UBE3C: variants seen among roughly 807,000 people sequenced by gnomAD.
UBE3C encodes ubiquitin-protein ligase E3C.
UBE3C carries 42 observed loss-of-function variants against 129.4 expected under a neutral mutation model. The ratio of observed to expected loss-of-function variants is 0.32; its 90% CI spans 0.25 to 0.42. The LOEUF (loss-of-function observed/expected upper bound fraction) is 0.42, where lower values mean the gene tolerates loss of function less well. UBE3C is among the 10% of genes least tolerant of loss of function. The pLI is 1.00. For missense variants in UBE3C, 1,049 were observed against 1,319.1 expected (o/e 0.80, Z 3.17); for synonymous variants, 510 against 492.4 (o/e 1.04, Z -0.47).
intron 14 of UBE3C, among the ~76,000 whole-genome samples, chr7:157,219,486 T>C (rs1198682477): frequency 1.3e-5 from 2 of 152,156 alleles, no homozygotes; most frequent in Non-Finnish European, 2.9e-5. Flanking sequence ...AACCTCTACA[T>C]CTAACTACAA....
chr7:157,170,986 T>C lies in UBE3C; in HGVS notation c.342+536T>C, dbSNP rs1310228198. Among the ~76,000 whole-genome samples, 3 of 152,196 alleles carry C rather than the reference T, an allele frequency of 2.0e-5. No individual in the cohort carries two copies. In the South Asian group the frequency reaches 6.2e-4, roughly 32 times the overall value. On this transcript the variant is annotated intron_variant, in intron 4 of 22. Transcript: ENST00000348165. ...CCTTGTTAATGTTAAGGCTAATTTTTTTTTTTGTAGAGATGAGGTCTTGCT... is the reference window on the plus strand; with the variant it reads ...CCTTGTTAATGTTAAGGCTAATTTTCTTTTTTGTAGAGATGAGGTCTTGCT...
chr7:157,139,940 A>G, intron 1 of UBE3C: 2 of 973,136 alleles, frequency 2.1e-6, no homozygotes, highest in Non-Finnish European at 2.4e-6. Flanking sequence ...GAGGGCAATT[A>G]TTTGCCACCA....
intron 19 of UBE3C, among the ~76,000 whole-genome samples, chr7:157,250,208 C>T (rs566218697): frequency 2.0e-5 from 3 of 152,058 alleles, no homozygotes; most frequent in East Asian, 1.9e-4. Flanking sequence ...GCATATGGGG[C>T]TTTGTTGTTG....
intron 6 of UBE3C, among the ~76,000 whole-genome samples, chr7:157,181,083 AT>A (rs1808653848): frequency 6.6e-6 from 1 of 152,218 alleles, no homozygotes; most frequent in African/African-American, 2.4e-5. Flanking sequence ...AGATCACAAT[AT>A]GTGGTCCTTA....
rs1563050060 is a variant in UBE3C, at chr7:157,192,837, G to A, written c.1331+5816G>A. On this transcript the variant is annotated intron_variant, in intron 10 of 22. Coordinates refer to ENST00000348165, the MANE Select transcript of UBE3C (RefSeq NM_014671.3). Reference sequence around the variant, plus strand: ...AACAAACCAGAAGACAAGTAACTGCGTATGAGTTAATAAAAGACATGAACT... The same window carrying A: ...AACAAACCAGAAGACAAGTAACTGCATATGAGTTAATAAAAGACATGAACT... The A allele has an allele frequency of 2.3e-5, 25 of 1,086,456 alleles. No individual in the cohort carries two copies. In the East Asian group the frequency reaches 4.0e-4, roughly 17 times the overall value. 67.3% of individuals were successfully genotyped at this position (1,086,456 alleles called of 1,614,324 possible).
intron 1 of UBE3C, among the ~76,000 whole-genome samples, chr7:157,162,284 G>C (rs1808091700): frequency 6.6e-6 from 1 of 151,686 alleles, no homozygotes; most frequent in African/African-American, 2.4e-5. Flanking sequence ...AAGCTCCACT[G>C]CCTGGGTTCA....
At chr7:157,200,541 A>G (rs944891312) in intron 10 of UBE3C, among the ~76,000 whole-genome samples, 5 of 152,256 alleles carry the variant, frequency 3.3e-5, no homozygotes, top group African/African-American at 1.2e-4. Flanking sequence ...ACAAACATGC[A>G]GTATAAAACA....
intron 22 of UBE3C, among the ~76,000 whole-genome samples, chr7:157,260,008 G>A (rs546670005): frequency 2.0e-5 from 3 of 152,198 alleles, no homozygotes; most frequent in East Asian, 1.9e-4. Context: ...CATCGACGCC[G>A]TTATGTTCTG....
Position 157,138,965 on chromosome 7 carries a change from C to G in UBE3C, c.-308C>G, listed in dbSNP as rs1017153457. The G allele has an allele frequency of 6.6e-6, 1 of 152,380 alleles. No individual in the cohort carries two copies. The highest frequency in any genetic ancestry group is 2.4e-5 in the African/African-American group (1 of 41,414). 9.4% of individuals were successfully genotyped at this position (152,380 alleles called of 1,614,324 possible). A position where few individuals can be genotyped will look rare whatever the true frequency, so the allele number is the denominator to read the frequency against. ...CTGACCGCCATCTTCCCTCCCGAGG[C>G]GGCAGTTCCAGGTGCAAGCGCCGGG... is the stretch of plus-strand genomic sequence containing the variant. On this transcript the variant is annotated 5_prime_UTR_variant, in exon 1 of 23. Transcript: ENST00000348165.
chr7:157,212,244 C>A (rs908828604), intron 13 of UBE3C, among the ~76,000 whole-genome samples: 1 of 151,708 alleles, frequency 6.6e-6, no homozygotes, highest in Admixed American at 6.6e-5. Flanking sequence ...TTTTAGTTAC[C>A]AGATTTTACA....
intron 16 of UBE3C, among the ~76,000 whole-genome samples, chr7:157,224,341 C>T (rs529546705): frequency 5.9e-5 from 9 of 152,182 alleles, no homozygotes; most frequent in African/African-American, 1.7e-4. Context: ...ACTACAGGCA[C>T]GTGCCACCAT....
chr7:157,183,963 G>T lies in UBE3C; in HGVS notation c.1077G>T (p.Ala359=), dbSNP rs980535421. ...LSQLPVSPAS[A]SCHDSASDSE... is the part of the protein sequence containing the mutation. Reference sequence around the variant, plus strand: ...AGTTACCAGTCTCTCCTGCCAGCGCGAGCTGTCACGACTCAGCCAGTGACT... The same window carrying T: ...AGTTACCAGTCTCTCCTGCCAGCGCTAGCTGTCACGACTCAGCCAGTGACT... Residue 359 remains alanine (A), a synonymous_variant, in exon 9 of 23, where the codon GCG becomes GCT. Coordinates refer to ENST00000348165, the MANE Select transcript of UBE3C (RefSeq NM_014671.3). 6.2e-7 allele frequency: 1 copy of T among 1,614,040 alleles called. No homozygotes were observed. The highest frequency in any genetic ancestry group is 8.5e-7 in the Non-Finnish European group (1 of 1,180,030).
intron 14 of UBE3C, among the ~76,000 whole-genome samples, chr7:157,219,903 A>T (rs1461904121): frequency 8.6e-6 from 1 of 116,344 alleles, no homozygotes; most frequent in African/African-American, 6.2e-5. Flanking sequence ...ACTCCATCTA[A>T]AAAAAAAAAA....
In UBE3C at chr7:157,144,037, G is replaced by A. The variant is rs371009799; in HGVS notation, c.66+4699G>A. Among the ~76,000 whole-genome samples, 36 of 152,340 alleles carry A rather than the reference G, an allele frequency of 2.4e-4. No homozygotes were observed. In the South Asian group the frequency reaches 6.6e-3, roughly 28 times the overall value. Reference sequence around the variant, plus strand: ...CAGACACAGTGAGTCCACTGACTGCGGAGCTGGGAAGAATTGGGTGATTTG... The same window carrying A: ...CAGACACAGTGAGTCCACTGACTGCAGAGCTGGGAAGAATTGGGTGATTTG... On this transcript the variant is annotated intron_variant, in intron 1 of 22. Transcript: ENST00000348165.
intron 3 of UBE3C, among the ~76,000 whole-genome samples, chr7:157,169,398 CT>C (rs1782369962): frequency 6.8e-6 from 1 of 147,606 alleles, no homozygotes; most frequent in Non-Finnish European, 1.5e-5. Context: ...TAAATTGAGA[CT>C]GAGTCTCACT....
intron 22 of UBE3C, among the ~76,000 whole-genome samples, chr7:157,266,321 T>A (rs1228920426): frequency 7.5e-6 from 1 of 133,010 alleles, no homozygotes; most frequent in Non-Finnish European, 1.8e-5. Flanking sequence ...CTCAAAAAAA[T>A]AAATAAATAA....
At chr7:157,163,984 T>C in intron 2 of UBE3C, 121 bp downstream of exon 2, 2 of 893,484 alleles carry the variant, frequency 2.2e-6, no homozygotes, top group Non-Finnish European at 3.4e-6. Context: ...AGAATGTGTG[T>C]GTATGTGTGT....
Position 157,183,775 on chromosome 7 carries a change from G to A in UBE3C, c.992-103G>A. The A allele has an allele frequency of 3.6e-6, 5 of 1,370,684 alleles. No homozygotes were observed. The Admixed American group carries it at 8.8e-5, about 24-fold the overall frequency. 84.9% of individuals were successfully genotyped at this position (1,370,684 alleles called of 1,614,324 possible). ...GTTAGAATTTTAAAAATAAGATCTGGTCAGAAATGCCTCTCTGCGTGTGAG... is the reference window on the plus strand; with the variant it reads ...GTTAGAATTTTAAAAATAAGATCTGATCAGAAATGCCTCTCTGCGTGTGAG... On this transcript the variant is annotated intron_variant, in intron 8 of 22. Transcript: ENST00000348165.
At chr7:157,188,231 CTT>C (rs1370812221) in intron 10 of UBE3C, among the ~76,000 whole-genome samples, 1 of 152,202 alleles carries the variant, frequency 6.6e-6, no homozygotes, top group Non-Finnish European at 1.5e-5. Context: ...ACAGAATTCT[CTT>C]TGTTTTTATA....
Sources: allele counts gnomAD v4.1 joint callset (sites outside exome capture counted in the v4.1 genomes callset), GRCh38; gene constraint gnomAD v4.1.1; transcripts MANE v1.5; gene names NCBI Gene and HGNC (gene_info 2026-07-23, HGNC 2026-07-21).